ABTB2: variants seen among roughly 807,000 people sequenced by gnomAD.
ABTB2 encodes ankyrin repeat and BTB/POZ domain-containing protein 2.
Under a neutral mutation model 104.1 loss-of-function variants are expected in ABTB2, and 56 were observed. The ratio of observed to expected loss-of-function variants is 0.54; its 90% CI spans 0.43 to 0.67. ABTB2 has a LOEUF of 0.67. ABTB2 is among the 30% of genes least tolerant of loss of function. ABTB2 has a pLI of 0.00. For synonymous variants in ABTB2, 606 were observed against 608.2 expected, an observed-to-expected ratio of 1.00 and a Z score of 0.05; for missense variants, 1,279 against 1,407.7, an observed-to-expected ratio of 0.91 and a Z score of 1.46.
intron 1 of ABTB2, among the ~76,000 whole-genome samples, chr11:34,285,373 T>C (rs1030892447): frequency 3.3e-5 from 5 of 152,128 alleles, no homozygotes; most frequent in Non-Finnish European, 7.4e-5. Context: ...ACCTAGTGCG[T>C]GCTTTGCTCT....
At position 34,248,088 on chromosome 11, in the gene ABTB2, A is replaced by ATTTTTTTTTTTTTTTTT. The variant is rs377220875; in HGVS notation, c.884-43399_884-43398insAAAAAAAAAAAAAAAAA. On this transcript the variant is annotated intron_variant, in intron 1 of 16. Coordinates refer to ENST00000435224, the MANE Select transcript of ABTB2 (RefSeq NM_145804.3). ...CAATCATTCAATTTACTTATCTATA[A>ATTTTTTTTTTTTTTTTT]TTTTTCTTAAAAAAAAAAAAAAAAA... 6.6e-4 allele frequency among the ~76,000 whole-genome samples: 52 copies of ATTTTTTTTTTTTTTTTT among 78,366 alleles called. 1 individual carries two copies. Among genetic ancestry groups the ATTTTTTTTTTTTTTTTT allele is most frequent in the South Asian group, 1.2e-3 (3 of 2,510 alleles). 51.4% of individuals were successfully genotyped at this position (78,366 alleles called of 152,430 possible).
chr11:34,283,009 C>T (rs144064285), intron 1 of ABTB2, among the ~76,000 whole-genome samples: 4,192 of 147,752 alleles, frequency 0.028, 155 homozygotes, highest in African/African-American at 0.088. Context: ...CCCGGGTTCA[C>T]GCCATTCCCC....
intron 3 of ABTB2, among the ~76,000 whole-genome samples, chr11:34,190,302 G>A (rs1853158122): frequency 7.1e-6 from 1 of 140,208 alleles, no homozygotes; most frequent in Non-Finnish European, 1.5e-5. Context: ...CTGAGATGCA[G>A]AGGGTAAATG....
chr11:34,250,915 G>C (rs1397330331), intron 1 of ABTB2, among the ~76,000 whole-genome samples: 1 of 152,188 alleles, frequency 6.6e-6, no homozygotes, highest in Non-Finnish European at 1.5e-5. Flanking sequence ...CCGAGGTTCA[G>C]AGAGGTTAAG....
intron 1 of ABTB2, among the ~76,000 whole-genome samples, chr11:34,249,175 G>A (rs911295199): frequency 7.9e-5 from 12 of 152,202 alleles, no homozygotes; most frequent in African/African-American, 2.7e-4. Flanking sequence ...GAATTTGCAA[G>A]TGGTCATGAC....
At chr11:34,254,624 CAT>C (rs964444707) in intron 1 of ABTB2, among the ~76,000 whole-genome samples, 1 of 150,494 alleles carries the variant, frequency 6.6e-6, no homozygotes, top group Non-Finnish European at 1.5e-5. Context: ...CCACTAGCCA[CAT>C]GTGGTTTTTG....
In ABTB2 at chr11:34,173,425, G is replaced by C. The variant is rs143319617; in HGVS notation, c.1245-118C>G. On this transcript the variant is annotated intron_variant, in intron 3 of 16. Transcript: ENST00000435224. ...GCAGCAGAGAGAGGGTCAGTCCTAG[G>C]GTGGGGGGCTCCCTGCTGGGCAGCA... 682 of 1,268,658 alleles carry C rather than the reference G, an allele frequency of 5.4e-4. 4 individuals carry two copies. The African/African-American group carries it at 8.7e-3, about 16-fold the overall frequency. The allele number at this position is 1,268,658 out of a possible 1,614,324, so 78.6% of individuals were successfully genotyped here. A position where few individuals can be genotyped will look rare whatever the true frequency, so the allele number is the denominator to read the frequency against.
intron 16 of ABTB2, among the ~76,000 whole-genome samples, chr11:34,153,768 G>A (rs374529631): frequency 2.0e-5 from 3 of 152,216 alleles, no homozygotes; most frequent in East Asian, 1.9e-4. Flanking sequence ...CGAGGGCAGT[G>A]GAGATGAAGG....
intron 1 of ABTB2, among the ~76,000 whole-genome samples, chr11:34,306,628 G>A (rs1057246936): frequency 5.9e-5 from 9 of 152,050 alleles, no homozygotes; most frequent in Middle Eastern, 3.4e-3. Context: ...GGAGGCTGAG[G>A]TGGGAGGATG....
At chr11:34,172,418 A>AGG (rs780639664) in intron 4 of ABTB2, among the ~76,000 whole-genome samples, 1 of 84,230 alleles carries the variant, frequency 1.2e-5, no homozygotes, top group Non-Finnish European at 2.3e-5. Flanking sequence ...ATATATATAT[A>AGG]TGTGTGTGTG....
At chr11:34,237,863 A>G (rs1051748564) in intron 1 of ABTB2, among the ~76,000 whole-genome samples, 1 of 152,108 alleles carries the variant, frequency 6.6e-6, no homozygotes, top group Non-Finnish European at 1.5e-5. Flanking sequence ...GCACCATTGC[A>G]CTCCAGCCTG....
intron 1 of ABTB2, among the ~76,000 whole-genome samples, chr11:34,245,779 G>A (rs1241746228): frequency 2.0e-5 from 3 of 152,160 alleles, no homozygotes; most frequent in Admixed American, 6.5e-5. Context: ...GCTCTTTGGT[G>A]GGCTGCTGCT....
chr11:34,300,162 A>AT (rs931110286), intron 1 of ABTB2, among the ~76,000 whole-genome samples: 1 of 152,172 alleles, frequency 6.6e-6, no homozygotes, highest in Non-Finnish European at 1.5e-5. Flanking sequence ...TCTAACTGCC[A>AT]TGCTAGCTCA....
At chr11:34,262,219 C>G (rs1488574440) in intron 1 of ABTB2, among the ~76,000 whole-genome samples, 2 of 152,210 alleles carry the variant, frequency 1.3e-5, no homozygotes, top group Non-Finnish European at 1.5e-5. Context: ...CTAAGAAATG[C>G]AAAGACACTT....
chr11:34,200,237 C>T (rs1451612694), intron 2 of ABTB2, among the ~76,000 whole-genome samples: 3 of 152,224 alleles, frequency 2.0e-5, no homozygotes, highest in Admixed American at 6.5e-5. Context: ...GTTGAAATAA[C>T]ATTTCAAAGG....
intron 1 of ABTB2, among the ~76,000 whole-genome samples, chr11:34,205,602 C>CG (rs34701030): frequency 0.58 from 87,895 of 150,582 alleles, 26,306 homozygotes; most frequent in East Asian, 0.87. Flanking sequence ...CACCCACAAA[C>CG]TTTTTTTTTT....
At chr11:34,186,338 G>C (rs934530934) in intron 3 of ABTB2, among the ~76,000 whole-genome samples, 1 of 152,220 alleles carries the variant, frequency 6.6e-6, no homozygotes, top group Non-Finnish European at 1.5e-5. Flanking sequence ...AGAGCTGCCT[G>C]GCAGGCAAGT....
chr11:34,154,317 C>T lies in ABTB2; in HGVS notation c.2828G>A (p.Cys943Tyr), dbSNP rs1336001626. The change falls in exon 16 of 17, where the codon TGC (cysteine) becomes TAC (tyrosine). Residue 943 changes from cysteine to tyrosine, a missense_variant. Cys to Tyr is a radical substitution (Grantham distance 194). Coordinates refer to ENST00000435224, the MANE Select transcript of ABTB2 (RefSeq NM_145804.3). This position sits in a 1 kb window ranked among gnomAD's most constrained non-coding sequence, Gnocchi z 4.9. Reference sequence around the variant, plus strand: ...ACTCTCCATGCTGAGGGTCTGGGAGCACAGGATCTCGCAGTGCCTCTGCAG... The same window carrying T: ...ACTCTCCATGCTGAGGGTCTGGGAGTACAGGATCTCGCAGTGCCTCTGCAG... The part of the protein sequence containing the change: ...DALQRHCEIL[C>Y]SQTLSMESAV... 1.1e-5 allele frequency: 17 copies of T among 1,614,100 alleles called. No homozygotes were observed. Among genetic ancestry groups the T allele is most frequent in the Non-Finnish European group, 1.3e-5 (15 of 1,180,002 alleles).
intron 14 of ABTB2, among the ~76,000 whole-genome samples, chr11:34,156,820 G>A (rs916727214): frequency 4.6e-5 from 7 of 152,134 alleles, no homozygotes; most frequent in Non-Finnish European, 1.0e-4. Context: ...CACCGTGCCC[G>A]GCTGTGAGTA....
Sources: allele counts gnomAD v4.1 joint callset (sites outside exome capture counted in the v4.1 genomes callset), GRCh38; gene constraint gnomAD v4.1.1; non-coding constraint Gnocchi (gnomAD v3.1); transcripts MANE v1.5; gene names NCBI Gene and HGNC (gene_info 2026-07-23, HGNC 2026-07-21).